Variants in PRSS23 observed in about 807,000 individuals in gnomAD.
PRSS23 encodes protease, serine 23.
Under a neutral mutation model 34.7 loss-of-function variants are expected in PRSS23, and 25 were observed. The observed-to-expected ratio is 0.72, with a 90% CI of 0.53 to 1.01. The LOEUF (loss-of-function observed/expected upper bound fraction) is 1.01, where lower values mean the gene tolerates loss of function less well. Ranked by LOEUF, PRSS23 falls within the 50% of genes least tolerant of loss-of-function variation. The pLI is 0.00. For missense variants in PRSS23, 445 were observed against 475.6 expected, an observed-to-expected ratio of 0.94 and a Z score of 0.60; for synonymous variants, 176 against 186.6, an observed-to-expected ratio of 0.94 and a Z score of 0.46.
chr11:86,939,158 C>A, intron 2 of PRSS23: 1 of 367,288 alleles, frequency 2.7e-6, no homozygotes, highest in Non-Finnish European at 5.3e-6. Context: ...CACTACTTCT[C>A]AGGATTCCTG....
Position 86,807,874 on chromosome 11 carries a change from T to C in PRSS23, c.231T>C (p.Thr77=). 6.2e-7 allele frequency: 1 copy of C among 1,614,106 alleles called. No individual in the cohort carries two copies. Among genetic ancestry groups the C allele is most frequent in the Non-Finnish European group, 8.5e-7 (1 of 1,180,036 alleles). The part of the protein sequence containing the change: ...PQCHKGTPLP[T]YEEAKQYLSY... ...GTCATAAGGGAACTCCACTGCCCAC[T>C]TACGAAGAGGCCAAGCAATATCTGT... Residue 77 remains threonine, a synonymous_variant, in exon 2 of 2, where the codon ACT becomes ACC. Coordinates refer to ENST00000280258, the MANE Select transcript of PRSS23 (RefSeq NM_007173.6).
At chr11:86,869,584 G>A (rs1473275274) in intron 2 of PRSS23, among the ~76,000 whole-genome samples, 2 of 152,086 alleles carry the variant, frequency 1.3e-5, no homozygotes, top group East Asian at 3.9e-4. Context: ...TTGGGGAAAT[G>A]GGAAGAGGAG....
At chr11:86,826,938 A>G (rs1329191733) in intron 2 of PRSS23, among the ~76,000 whole-genome samples, 1 of 152,162 alleles carries the variant, frequency 6.6e-6, no homozygotes, top group Admixed American at 6.5e-5. Context: ...CATCAAGGAT[A>G]TTGGTCTAAA....
chr11:86,943,598 T>C lies in PRSS23; in HGVS notation c.207-7618T>C, dbSNP rs1038728777. ...GAGATCAAGTCATTGCACTCCAGCC[T>C]GGGTGACAGAGCAAGACTCCATCTC... On this transcript the variant is annotated intron_variant, in intron 2 of 2. Coordinates refer to the PRSS23 transcript ENST00000533902. Among the ~76,000 whole-genome samples the C allele has an allele frequency of 1.3e-4, 19 of 151,412 alleles. No homozygotes were observed. In the East Asian group the frequency reaches 3.7e-3, roughly 30 times the overall value.
At chr11:86,930,115 G>A (rs1160466990) in intron 2 of PRSS23, among the ~76,000 whole-genome samples, 1 of 151,726 alleles carries the variant, frequency 6.6e-6, no homozygotes, top group African/African-American at 2.4e-5. Context: ...GTGTATATGT[G>A]TATGTATACA....
chr11:86,896,639 A>G (rs972703772), intron 2 of PRSS23: 1 of 152,238 alleles, frequency 6.6e-6, no homozygotes, highest in Non-Finnish European at 1.5e-5. Flanking sequence ...ACCCAGACAA[A>G]GCTATGTTTT....
chr11:86,857,821 T>G (rs1005280653), intron 2 of PRSS23: 2 of 733,918 alleles, frequency 2.7e-6, no homozygotes, highest in Non-Finnish European at 4.5e-6. Flanking sequence ...CCAGGACAGG[T>G]TGGAGAGGAA....
chr11:86,917,328 A>T (rs1449112228), intron 2 of PRSS23, among the ~76,000 whole-genome samples: 3 of 152,234 alleles, frequency 2.0e-5, no homozygotes, highest in Admixed American at 6.5e-5. Flanking sequence ...CAATCAATCA[A>T]TGAATTTGTG....
At chr11:86,828,417 C>T (rs1343899633) in intron 2 of PRSS23, among the ~76,000 whole-genome samples, 2 of 152,276 alleles carry the variant, frequency 1.3e-5, no homozygotes, top group Admixed American at 6.5e-5. Context: ...TTCCTGAATA[C>T]AGCACACTGG....
At chr11:86,844,301 T>C (rs1236681789) in intron 2 of PRSS23, among the ~76,000 whole-genome samples, 1 of 151,970 alleles carries the variant, frequency 6.6e-6, no homozygotes, top group East Asian at 1.9e-4. Flanking sequence ...TTAGGAGAAA[T>C]ACCTAATGTA....
chr11:86,878,833 G>A (rs546332906), intron 2 of PRSS23, among the ~76,000 whole-genome samples: 2 of 151,562 alleles, frequency 1.3e-5, no homozygotes, highest in Admixed American at 6.6e-5. Context: ...CCTCTTCCCT[G>A]CGGCCATCCC....
intron 1 of PRSS23, 134 bp from the exon 2 acceptor site, chr11:86,807,497 C>T (rs1379726217): frequency 4.6e-6 from 4 of 865,146 alleles, no homozygotes; most frequent in East Asian, 5.0e-5. Context: ...CTAAGGATTC[C>T]TCTCCACACC....
Position 86,810,738 on chromosome 11 carries a change from T to C in PRSS23, c.*1943T>C, listed in dbSNP as rs1393347365. 1 of 167,028 alleles carries C rather than the reference T, an allele frequency of 6.0e-6. No homozygotes were observed. Among genetic ancestry groups the C allele is most frequent in the Non-Finnish European group, 1.5e-5 (1 of 68,106 alleles). 10.3% of individuals were successfully genotyped at this position (167,028 alleles called of 1,614,324 possible). On this transcript the variant is annotated 3_prime_UTR_variant, in exon 2 of 2. Transcript: ENST00000280258. ...ACAATGGCACAAAGTCAAAATGAAA[T>C]CAATGTTTAGTTCACAAGTAGATGT...
chr11:86,827,506 T>C (rs1948312048), intron 2 of PRSS23, among the ~76,000 whole-genome samples: 1 of 152,266 alleles, frequency 6.6e-6, no homozygotes, highest in South Asian at 2.1e-4. Context: ...AATTCTGCTC[T>C]GATTTTAGTT....
In PRSS23 at chr11:86,866,844, C is replaced by T. The variant is rs553947085; in HGVS notation, c.206+43251C>T. ...CCATCTCTTGCTTCCTCTCTCACCA[C>T]GTGATCTCCACATACACCAGCTCCC... On this transcript the variant is annotated intron_variant, in intron 2 of 2. Transcript: ENST00000533902. Among the ~76,000 whole-genome samples, 245 of 149,800 alleles carry T rather than the reference C, an allele frequency of 1.6e-3. 1 individual carries two copies. The highest frequency in any genetic ancestry group is 0.01 in the Middle Eastern group (3 of 292).
At chr11:86,930,393 C>T (rs1185462191) in intron 2 of PRSS23, among the ~76,000 whole-genome samples, 1 of 152,124 alleles carries the variant, frequency 6.6e-6, no homozygotes, top group African/African-American at 2.4e-5. Flanking sequence ...GAACATGTAA[C>T]AGGGGATCTA....
chr11:86,803,172 G>C (rs956490317), intron 1 of PRSS23, among the ~76,000 whole-genome samples: 1 of 152,158 alleles, frequency 6.6e-6, no homozygotes, highest in African/African-American at 2.4e-5. Context: ...TTTATTCCTA[G>C]AAATGAAACG....
chr11:86,939,227 A>G (rs529185174), intron 2 of PRSS23: 1 of 287,170 alleles, frequency 3.5e-6, no homozygotes, highest in South Asian at 3.1e-5. Flanking sequence ...AAGCAAACAC[A>G]TAAACAAAAA....
chr11:86,864,501 C>A (rs1021276841), intron 2 of PRSS23, among the ~76,000 whole-genome samples: 1 of 152,242 alleles, frequency 6.6e-6, no homozygotes, highest in Non-Finnish European at 1.5e-5. Context: ...CGACATCAGT[C>A]TCTCTGGAGC....
Sources: gnomAD v4.1 joint callset for allele counts (sites outside exome capture counted in the v4.1 genomes callset) on GRCh38, gnomAD v4.1.1 for gene constraint, MANE v1.5 for transcripts, NCBI Gene and HGNC (gene_info 2026-07-23, HGNC 2026-07-21) for gene names.